AMOT: variants seen among roughly 807,000 people sequenced by gnomAD.
AMOT encodes angiomotin.
AMOT carries 11 observed loss-of-function variants against 67.0 expected under a neutral mutation model. The ratio of observed to expected loss-of-function variants is 0.16; its 90% CI spans 0.10 to 0.27. AMOT has a LOEUF of 0.27. Among genes scored for constraint, AMOT ranks in the 10% least tolerant of loss-of-function variants. The pLI, the probability that AMOT is intolerant of heterozygous loss-of-function variation, is 1.00. For missense variants in AMOT, 753 were observed against 852.0 expected (o/e 0.88, Z 1.45); for synonymous variants, 326 against 321.4 (o/e 1.01, Z -0.15).
At chrX:112,797,828 A>C (rs1023102270) in intron 8 of AMOT, among the ~76,000 whole-genome samples, 11 of 108,969 alleles carry the variant, frequency 1.0e-4, no homozygotes, top group African/African-American at 3.7e-4. Flanking sequence ...GAGAGGAAGA[A>C]GAAGGAGAAG....
At chrX:112,834,475 T>TA (rs775694936) in intron 1 of AMOT, among the ~76,000 whole-genome samples, 6 of 111,759 alleles carry the variant, frequency 5.4e-5, no homozygotes, top group Admixed American at 4.8e-4. Flanking sequence ...GTGACACCAA[T>TA]AAGAAGAAGG....
chrX:112,788,721 G>A (rs142130111), intron 10 of AMOT, among the ~76,000 whole-genome samples: 2,106 of 111,963 alleles, frequency 0.019, 54 homozygotes, highest in African/African-American at 0.064. Flanking sequence ...ACACACAGTC[G>A]TGATCTGGAA....
At chrX:112,813,164 CA>C (rs1480033713) in intron 5 of AMOT, among the ~76,000 whole-genome samples, 4 of 112,334 alleles carry the variant, frequency 3.6e-5, no homozygotes, top group African/African-American at 1.3e-4. Context: ...TCCCTTTCCT[CA>C]AGGTGTGCAG....
chrX:112,839,755 C>G (rs1394134403), intron 1 of AMOT, among the ~76,000 whole-genome samples: 3 of 110,990 alleles, frequency 2.7e-5, no homozygotes, highest in African/African-American at 9.9e-5. Flanking sequence ...TTTCACAAAC[C>G]CATGAAGCCC....
intron 5 of AMOT, 66 bp from the exon 6 acceptor site, chrX:112,811,459 A>G (rs1377247694): frequency 8.8e-7 from 1 of 1,138,558 alleles, no homozygotes; most frequent in Non-Finnish European, 1.2e-6. Context: ...GTCTGAAAAC[A>G]AACAGGCAAA....
At position 112,775,765 on chromosome X, in the gene AMOT, G is replaced by GT. The variant is rs1932926023; in HGVS notation, c.*2801dup. The GT allele has an allele frequency of 8.9e-6, 1 of 112,081 alleles. No homozygotes were observed. Among genetic ancestry groups the GT allele is most frequent in the Non-Finnish European group, 1.9e-5 (1 of 53,195 alleles). The allele number at this position is 112,081 out of a possible 1,213,427, so 9.2% of individuals were successfully genotyped here. On this transcript the variant is annotated 3_prime_UTR_variant, in exon 14 of 14. Transcript: ENST00000371959. ...GTTTTTCTATACATGGAACACTGGG[G>GT]TACAACTGAATTAGAAGGTCCTCAG...
intron 10 of AMOT, 53 bp downstream of exon 10, chrX:112,790,538 GA>G (rs1945097755): frequency 9.2e-7 from 1 of 1,085,383 alleles, no homozygotes; most frequent in Non-Finnish European, 1.2e-6. Flanking sequence ...AAAAATCTAT[GA>G]ATCAGTGACC....
intron 11 of AMOT, among the ~76,000 whole-genome samples, chrX:112,781,749 G>A (rs1308232221): frequency 4.5e-5 from 5 of 111,865 alleles, no homozygotes; most frequent in African/African-American, 1.6e-4. Context: ...GTGCTGTAGT[G>A]AAGAATCTCA....
At chrX:112,787,628 C>T (rs1045228084) in intron 10 of AMOT, among the ~76,000 whole-genome samples, 8 of 111,007 alleles carry the variant, frequency 7.2e-5, no homozygotes, top group African/African-American at 1.3e-4. Flanking sequence ...TCAAACCGTA[C>T]GCTTACAACA....
intron 2 of AMOT, among the ~76,000 whole-genome samples, chrX:112,830,261 C>T (rs753329959): frequency 3.6e-4 from 40 of 111,925 alleles, no homozygotes; most frequent in African/African-American, 1.3e-3. Flanking sequence ...CATTTCACCT[C>T]ACCATAAATA....
chrX:112,827,586 G>A (rs756692417), intron 2 of AMOT, among the ~76,000 whole-genome samples: 25 of 111,674 alleles, frequency 2.2e-4, no homozygotes, highest in African/African-American at 6.2e-4. Context: ...GAATAATTGC[G>A]GTTCTGTCTT....
At chrX:112,795,247 T>TATGTG (rs202038249) in intron 8 of AMOT, among the ~76,000 whole-genome samples, 1 of 96,565 alleles carries the variant, frequency 1.0e-5, no homozygotes, top group African/African-American at 4.7e-5. Flanking sequence ...TGTCTCTCTC[T>TATGTG]CTGTGTGTGT....
chrX:112,833,506 T>C lies in AMOT; in HGVS notation c.-288-1136A>G, dbSNP rs1464113053. ...GGGGGGGGGGGTCATCAAAATTTTC[T>C]TAGCTTCAAAAACTGTTTGCTTTTT... On this transcript the variant is annotated intron_variant, in intron 1 of 13. Coordinates refer to ENST00000371959, the MANE Select transcript of AMOT (RefSeq NM_001113490.2). Among the ~76,000 whole-genome samples, 3 of 105,286 alleles carry C rather than the reference T, an allele frequency of 2.8e-5. No individual in the cohort carries two copies. The East Asian group carries it at 9.3e-4, about 33-fold the overall frequency. The allele number at this position is 105,286 out of a possible 115,157, so 91.4% of individuals were successfully genotyped here.
chrX:112,825,187 G>T lies in AMOT; in HGVS notation c.-178C>A, dbSNP rs1382815426. 1 of 111,778 alleles carries T rather than the reference G, an allele frequency of 8.9e-6. No homozygotes were observed. The highest frequency in any genetic ancestry group is 3.3e-5 in the African/African-American group (1 of 30,690). The allele number at this position is 111,778 out of a possible 1,213,427, so 9.2% of individuals were successfully genotyped here. On this transcript the variant is annotated 5_prime_UTR_variant, in exon 3 of 14. Transcript: ENST00000371959. ...CTCTCCCCTAACACTCAGGTTCAGG[G>T]TAAGCGCCGCCAAGAGTCCAACCAC...
chrX:112,790,502 G>T (rs1369296981), intron 10 of AMOT, 90 bp downstream of exon 10: 24 of 998,582 alleles, frequency 2.4e-5, no homozygotes, highest in Non-Finnish European at 3.1e-5. Flanking sequence ...GGGAAACCCA[G>T]AATATTAAAG....
At chrX:112,836,581 TGAAAG>T (rs1166482856) in intron 1 of AMOT, among the ~76,000 whole-genome samples, 1 of 111,074 alleles carries the variant, frequency 9.0e-6, no homozygotes, top group Admixed American at 9.7e-5. Context: ...AACCAGGACT[TGAAAG>T]GAACTAGAAA....
At chrX:112,784,845 C>T (rs1933316034) in intron 10 of AMOT, among the ~76,000 whole-genome samples, 1 of 111,960 alleles carries the variant, frequency 8.9e-6, no homozygotes, top group Non-Finnish European at 1.9e-5. Context: ...ACTGAGCATA[C>T]GGTTTGTCAC....
At chrX:112,822,181 C>A in intron 4 of AMOT, 74 bp downstream of exon 4, 1 of 1,058,903 alleles carries the variant, frequency 9.4e-7, no homozygotes, top group Non-Finnish European at 1.2e-6. Context: ...CCGTTCCTTC[C>A]CTAAGATTCC....
At chrX:112,795,005 C>T (rs1048053107) in intron 8 of AMOT, among the ~76,000 whole-genome samples, 15 of 111,336 alleles carry the variant, frequency 1.3e-4, no homozygotes, top group African/African-American at 4.3e-4. Flanking sequence ...ACACTTTATG[C>T]TGTAGATATC....
Sources: gnomAD v4.1 joint callset for allele counts (sites outside exome capture counted in the v4.1 genomes callset) on GRCh38, gnomAD v4.1.1 for gene constraint, MANE v1.5 for transcripts, NCBI Gene and HGNC (gene_info 2026-07-23, HGNC 2026-07-21) for gene names.